The following ZNF277 variants were observed in gnomAD, a reference collection of about 807,000 sequenced individuals.
ZNF277 encodes the protein nuclear receptor-interacting factor 4.
A neutral mutation model predicts 60.7 loss-of-function variants in ZNF277; 55 were observed. That is an observed-to-expected ratio of 0.91 (90% confidence interval 0.73 to 1.13). The LOEUF is 1.13. Among genes scored for constraint, ZNF277 ranks in the 50% most tolerant of loss-of-function variants. The probability of loss-of-function intolerance (pLI) is 0.00; values close to 1 mark genes in which losing one functional copy is unlikely to be tolerated. For missense variants in ZNF277, 510 were observed against 523.0 expected, an observed-to-expected ratio of 0.98 and a Z score of 0.24; for synonymous variants, 178 against 179.3, an observed-to-expected ratio of 0.99 and a Z score of 0.06.
At chr7:112,308,799 A>G (rs1792657040) in intron 4 of ZNF277, among the ~76,000 whole-genome samples, 1 of 152,142 alleles carries the variant, frequency 6.6e-6, no homozygotes. Context: ...ATACAAATGT[A>G]TTTAGTATGT....
chr7:112,314,895 A>G (rs986254226), intron 4 of ZNF277, among the ~76,000 whole-genome samples: 3 of 152,152 alleles, frequency 2.0e-5, no homozygotes, highest in Admixed American at 2.0e-4. Context: ...ACAAGGATCC[A>G]TTAAGGTGTT....
chr7:112,221,236 G>A (rs894816228), intron 1 of ZNF277, among the ~76,000 whole-genome samples: 1 of 152,056 alleles, frequency 6.6e-6, no homozygotes, highest in African/African-American at 2.4e-5. Context: ...TGGGTTCCAC[G>A]GTTCTCTTCC....
chr7:112,247,501 G>A (rs1791111214), intron 1 of ZNF277, among the ~76,000 whole-genome samples: 1 of 152,238 alleles, frequency 6.6e-6, no homozygotes, highest in African/African-American at 2.4e-5. Context: ...TGAATAATAA[G>A]CTAGAATGTT....
chr7:112,246,505 C>G (rs1011511013), intron 1 of ZNF277, among the ~76,000 whole-genome samples: 4 of 152,014 alleles, frequency 2.6e-5, no homozygotes, highest in African/African-American at 9.7e-5. Context: ...GGGAGCAGTC[C>G]AAAAGTAAAT....
chr7:112,207,795 T>C (rs1821593025), intron 1 of ZNF277, among the ~76,000 whole-genome samples: 2 of 152,190 alleles, frequency 1.3e-5, no homozygotes, highest in Non-Finnish European at 2.9e-5. Flanking sequence ...TAAATTGATA[T>C]CATCTTAAGT....
intron 4 of ZNF277, among the ~76,000 whole-genome samples, chr7:112,296,904 ATTTATTTATTTTTTTTTTTTTTT>A (rs1792355073): frequency 6.1e-5 from 2 of 32,866 alleles, no homozygotes; most frequent in South Asian, 9.2e-4. Context: ...TTATTTATTT[ATTTATTTATTTTTTTTTTTTTTT>A]TTTTTTTTTT....
intron 1 of ZNF277, among the ~76,000 whole-genome samples, chr7:112,223,345 C>A (rs1563196055): frequency 1.3e-5 from 2 of 152,164 alleles, no homozygotes; most frequent in Admixed American, 6.5e-5. Flanking sequence ...GAACACTGAT[C>A]TAGGACTGTA....
In ZNF277 at chr7:112,343,098, T is replaced by C. The variant is rs1384905700; in HGVS notation, c.*369T>C. The C allele has an allele frequency of 6.4e-6, 1 of 156,762 alleles. No homozygotes were observed. The highest frequency in any genetic ancestry group is 2.4e-5 in the African/African-American group (1 of 41,508). The allele number at this position is 156,762 out of a possible 1,614,324, so 9.7% of individuals were successfully genotyped here. A position where few individuals can be genotyped will look rare whatever the true frequency, so the allele number is the denominator to read the frequency against. ...ATAAACCTGATTTTTCAATCAGTAG[T>C]TTCAGTCTCCTCCCCAAGGACCTTC... On this transcript the variant is annotated 3_prime_UTR_variant, in exon 12 of 12. Transcript: ENST00000361822.
chr7:112,254,072 TAAAAG>T (rs1467032015), intron 1 of ZNF277, among the ~76,000 whole-genome samples: 1 of 152,314 alleles, frequency 6.6e-6, no homozygotes, highest in East Asian at 1.9e-4. Context: ...TTTCTTTCCT[TAAAAG>T]AAATCAGTAT....
intron 1 of ZNF277, among the ~76,000 whole-genome samples, chr7:112,241,253 G>A (rs1790942665): frequency 6.6e-6 from 1 of 152,066 alleles, no homozygotes; most frequent in Non-Finnish European, 1.5e-5. Context: ...CCAGGTATAT[G>A]AAAAGGTACT....
chr7:112,238,919 G>A (rs909251970), intron 1 of ZNF277, among the ~76,000 whole-genome samples: 24 of 151,940 alleles, frequency 1.6e-4, no homozygotes, highest in African/African-American at 4.8e-4. Context: ...GACCTCATCC[G>A]GATGACATTT....
In ZNF277 at chr7:112,340,902, T is replaced by A; in HGVS notation, c.1040T>A (p.Val347Asp). 1.2e-6 allele frequency: 2 copies of A among 1,610,724 alleles called. No homozygotes were observed. The highest frequency in any genetic ancestry group is 1.7e-6 in the Non-Finnish European group (2 of 1,178,898). The change falls in exon 11 of 12, where the codon GTC becomes GAC. Residue 347 changes from valine to aspartate, a missense_variant. Coordinates refer to ENST00000361822, the MANE Select transcript of ZNF277 (RefSeq NM_021994.3). ...AATTTCTATCAGCAAGTGAAACTGG[T>A]CAATTTTATTCGGAGGCAAGTTCAC... ...GLNFYQQVKL[V>D]NFIRRQVHQC...
chr7:112,295,410 T>C (rs1190350965), intron 2 of ZNF277, among the ~76,000 whole-genome samples: 4 of 152,186 alleles, frequency 2.6e-5, no homozygotes, highest in African/African-American at 9.6e-5. Context: ...ATATTGAATT[T>C]AGACTGATTT....
At chr7:112,317,136 A>C (rs745761111) in intron 4 of ZNF277, among the ~76,000 whole-genome samples, 9 of 151,932 alleles carry the variant, frequency 5.9e-5, no homozygotes, top group Non-Finnish European at 8.8e-5. Flanking sequence ...AACATCATAC[A>C]CCAAGGCCTA....
At chr7:112,276,550 A>T (rs1402548302) in intron 1 of ZNF277, among the ~76,000 whole-genome samples, 2 of 152,174 alleles carry the variant, frequency 1.3e-5, no homozygotes, top group African/African-American at 4.8e-5. Flanking sequence ...TCTCAAATAA[A>T]TTTTTGTTGT....
At chr7:112,328,048 T>C in intron 6 of ZNF277, 1 of 391,014 alleles carries the variant, frequency 2.6e-6, no homozygotes, top group Non-Finnish European at 4.5e-6. Context: ...CCAAACAATA[T>C]ACATATCATA....
intron 1 of ZNF277, among the ~76,000 whole-genome samples, chr7:112,281,178 G>C (rs1282948525): frequency 6.6e-6 from 1 of 152,190 alleles, no homozygotes; most frequent in African/African-American, 2.4e-5. Flanking sequence ...ATCCTCGTGT[G>C]ATCATCCTCT....
intron 1 of ZNF277, among the ~76,000 whole-genome samples, chr7:112,238,604 C>A (rs796571555): frequency 3.9e-5 from 6 of 152,170 alleles, no homozygotes; most frequent in African/African-American, 1.4e-4. Context: ...CGTCACCCCA[C>A]CCCAACCCTA....
In ZNF277 at chr7:112,220,304, A is replaced by C. The variant is rs541799908; in HGVS notation, c.91+13497A>C. On this transcript the variant is annotated intron_variant, in intron 1 of 11. Transcript: ENST00000361822. ...TTCCTAAGTATTTTTTTTTTTGGCA[A>C]GATTGTAAATGGTATTTCTTTTTTA... 1.2e-3 allele frequency among the ~76,000 whole-genome samples: 182 copies of C among 151,202 alleles called. 1 individual carries two copies. Among genetic ancestry groups the C allele is most frequent in the Non-Finnish European group, 2.4e-3 (163 of 67,806 alleles).
Sources: allele counts gnomAD v4.1 joint callset (sites outside exome capture counted in the v4.1 genomes callset), GRCh38; gene constraint gnomAD v4.1.1; transcripts MANE v1.5; gene names NCBI Gene and HGNC (gene_info 2026-07-23, HGNC 2026-07-21).